Variants in PRSS23 observed in about 807,000 individuals in gnomAD.
PRSS23 encodes protease, serine 23.
In PRSS23, 25 loss-of-function variants were observed where a neutral mutation model predicts 34.7. The observed-to-expected ratio is 0.72, with a 90% CI of 0.53 to 1.01. The LOEUF is 1.01. Ranked by LOEUF, PRSS23 falls within the 50% of genes least tolerant of loss-of-function variation. The pLI, the probability that PRSS23 is intolerant of heterozygous loss-of-function variation, is 0.00. For synonymous variants in PRSS23, 176 were observed against 186.6 expected (o/e 0.94, Z 0.46); for missense variants, 445 against 475.6 (o/e 0.94, Z 0.60).
chr11:86,835,527 T>G (rs1948398267), intron 2 of PRSS23, among the ~76,000 whole-genome samples: 1 of 152,254 alleles, frequency 6.6e-6, no homozygotes, highest in South Asian at 2.1e-4. Flanking sequence ...TCCATCTTAC[T>G]AAATGGGTAT....
At chr11:86,912,594 T>A (rs1948985008) in intron 2 of PRSS23, among the ~76,000 whole-genome samples, 1 of 152,232 alleles carries the variant, frequency 6.6e-6, no homozygotes, top group African/African-American at 2.4e-5. Flanking sequence ...ATTTCTCATA[T>A]TGCATTTTTT....
chr11:86,869,736 C>T (rs1948672501), intron 2 of PRSS23, among the ~76,000 whole-genome samples: 1 of 152,166 alleles, frequency 6.6e-6, no homozygotes, highest in Non-Finnish European at 1.5e-5. Flanking sequence ...GCAATTGTCC[C>T]ACCAGGAGAT....
At chr11:86,820,581 C>G (rs1275098371) in intron 1 of PRSS23, among the ~76,000 whole-genome samples, 2 of 152,166 alleles carry the variant, frequency 1.3e-5, no homozygotes. Context: ...TTAAGTATTA[C>G]TAACGCTTTA....
At chr11:86,907,010 G>T (rs1948947816) in intron 2 of PRSS23, among the ~76,000 whole-genome samples, 1 of 152,072 alleles carries the variant, frequency 6.6e-6, no homozygotes, top group Non-Finnish European at 1.5e-5. Flanking sequence ...AACAAACTTT[G>T]GTATACTTTA....
At chr11:86,867,819 G>T (rs1948659852) in intron 2 of PRSS23, among the ~76,000 whole-genome samples, 1 of 148,368 alleles carries the variant, frequency 6.7e-6, no homozygotes, top group Admixed American at 6.7e-5. Context: ...TAAGGCTGCA[G>T]TGAGCTGAGG....
chr11:86,946,111 G>A (rs1380068228), intron 2 of PRSS23: 1 of 152,422 alleles, frequency 6.6e-6, no homozygotes, highest in Non-Finnish European at 1.5e-5. Context: ...TCCCTGTGAG[G>A]TAGACAAAAT....
At chr11:86,890,163 C>T (rs1948831894) in intron 2 of PRSS23, among the ~76,000 whole-genome samples, 1 of 152,006 alleles carries the variant, frequency 6.6e-6, no homozygotes, top group African/African-American at 2.4e-5. Flanking sequence ...CCTAGCTACT[C>T]AGAGGCTGAG....
Sources: allele counts gnomAD v4.1 joint callset (sites outside exome capture counted in the v4.1 genomes callset), GRCh38; gene constraint gnomAD v4.1.1; transcripts MANE v1.5; gene names NCBI Gene and HGNC (gene_info 2026-07-23, HGNC 2026-07-21).